Variants in RERE observed in about 807,000 individuals in gnomAD.
RERE encodes the protein arginine-glutamic acid dipeptide repeats protein.
In RERE, 40 loss-of-function variants were observed where a neutral mutation model predicts 146.1. That is an observed-to-expected ratio of 0.27 (90% CI 0.21 to 0.36). RERE has a LOEUF of 0.36. RERE is among the 10% of genes least tolerant of loss of function. RERE has a pLI of 1.00. For synonymous variants in RERE, 1,003 were observed against 866.0 expected, an observed-to-expected ratio of 1.16 and a Z score of -2.78; for missense variants, 1,933 against 2,138.7, an observed-to-expected ratio of 0.90 and a Z score of 1.90.
intron 1 of RERE, among the ~76,000 whole-genome samples, chr1:8,715,426 G>A (rs1290803188): frequency 3.3e-5 from 5 of 151,814 alleles, no homozygotes; most frequent in African/African-American, 1.2e-4. Flanking sequence ...CAGGAGAATC[G>A]CTTGAACCCA....
At position 8,423,167 on chromosome 1, in the gene RERE, C is replaced by T; in HGVS notation, c.1204-360G>A. The T allele has an allele frequency of 5.2e-6, 1 of 192,122 alleles. No homozygotes were observed. The allele number at this position is 192,122 out of a possible 1,614,324, so 11.9% of individuals were successfully genotyped here. On this transcript the variant is annotated intron_variant, in intron 11 of 22. Coordinates refer to ENST00000400908, the MANE Select transcript of RERE (RefSeq NM_001042681.2). The surrounding 1 kb of genome is among the most constrained non-coding windows in gnomAD (Gnocchi z 5.4). ...TAATAAAACACAACTGCTTTCCCAC[C>T]TGAGAACCAAGCTTCCCAGAAGTGT... is the stretch of plus-strand genomic sequence containing the variant.
intron 8 of RERE, among the ~76,000 whole-genome samples, chr1:8,501,684 G>A (rs1645160665): frequency 8.0e-6 from 1 of 125,154 alleles, no homozygotes; most frequent in African/African-American, 3.1e-5. Context: ...CCCCCCGCCC[G>A]GCCAGCCGCC....
At chr1:8,543,481 CTTT>C (rs1168688571) in intron 6 of RERE, among the ~76,000 whole-genome samples, 1 of 152,096 alleles carries the variant, frequency 6.6e-6, no homozygotes, top group African/African-American at 2.4e-5. Context: ...ATTGATTCTT[CTTT>C]TATTATTGTT....
At chr1:8,560,176 G>T (rs912647110) in intron 4 of RERE, among the ~76,000 whole-genome samples, 23 of 152,142 alleles carry the variant, frequency 1.5e-4, no homozygotes, top group Admixed American at 7.2e-4. Context: ...CTATAATAAG[G>T]ACTTGCTCAA....
At chr1:8,558,684 A>C (rs966190177) in intron 4 of RERE, among the ~76,000 whole-genome samples, 2 of 152,204 alleles carry the variant, frequency 1.3e-5, no homozygotes, top group Non-Finnish European at 2.9e-5. Context: ...GGTTCCAAAA[A>C]ACCTTTGCTA....
At chr1:8,625,439 T>C (rs1360604407) in intron 2 of RERE, among the ~76,000 whole-genome samples, 1 of 152,172 alleles carries the variant, frequency 6.6e-6, no homozygotes, top group Non-Finnish European at 1.5e-5. Context: ...GCACAGTCAA[T>C]GAAATCTAGG....
chr1:8,814,009 T>C (rs1424268717), intron 1 of RERE, among the ~76,000 whole-genome samples: 2 of 152,236 alleles, frequency 1.3e-5, no homozygotes, highest in Non-Finnish European at 2.9e-5. Flanking sequence ...TGGATTACCT[T>C]TTTGTTGTGA....
chr1:8,669,649 T>A (rs932131696), intron 1 of RERE, among the ~76,000 whole-genome samples: 1 of 152,204 alleles, frequency 6.6e-6, no homozygotes, highest in Non-Finnish European at 1.5e-5. Context: ...TAGAGTTTTA[T>A]TTCACGTAAT....
chr1:8,669,024 C>CTGTGTGTGTGTGTGTG (rs59647434), intron 1 of RERE, among the ~76,000 whole-genome samples: 63 of 43,826 alleles, frequency 1.4e-3, no homozygotes, highest in South Asian at 1.6e-3. Flanking sequence ...GCACTCAACT[C>CTGTGTGTGTGTGTGTG]TGTGTGTGTG....
intron 4 of RERE, among the ~76,000 whole-genome samples, chr1:8,612,104 G>C (rs1646800298): frequency 6.6e-6 from 1 of 152,154 alleles, no homozygotes; most frequent in Non-Finnish European, 1.5e-5. Flanking sequence ...ACATATACCT[G>C]AATATGCAAA....
At chr1:8,453,896 T>C (rs541369199) in intron 11 of RERE, among the ~76,000 whole-genome samples, 1 of 152,316 alleles carries the variant, frequency 6.6e-6, no homozygotes, top group South Asian at 2.1e-4. Flanking sequence ...CCCTAATTAA[T>C]TAGAGGCCCT....
chr1:8,792,007 C>T (rs1243740114), intron 1 of RERE, among the ~76,000 whole-genome samples: 2 of 151,896 alleles, frequency 1.3e-5, no homozygotes, highest in Admixed American at 6.6e-5. Flanking sequence ...GTGGGAGGAT[C>T]GCTTGAGCCC....
chr1:8,657,009 T>C (rs187000335), intron 1 of RERE, among the ~76,000 whole-genome samples: 50 of 152,232 alleles, frequency 3.3e-4, no homozygotes, highest in Admixed American at 2.1e-3. Flanking sequence ...CTGTCAAAAA[T>C]GTCTCAGGAT....
At chr1:8,583,173 G>C (rs1052666318) in intron 4 of RERE, among the ~76,000 whole-genome samples, 2 of 152,194 alleles carry the variant, frequency 1.3e-5, no homozygotes, top group African/African-American at 4.8e-5. Context: ...TAACATACTA[G>C]AAGTACTAGA....
At chr1:8,359,715 G>A (rs372191866) in intron 19 of RERE, 49 bp downstream of exon 19, 170 of 1,580,886 alleles carry the variant, frequency 1.1e-4, no homozygotes, top group Middle Eastern at 2.2e-4. Context: ...GCTCCCAGGC[G>A]CAGGATGGAC....
chr1:8,453,478 C>T (rs1414077618), intron 11 of RERE, among the ~76,000 whole-genome samples: 5 of 152,204 alleles, frequency 3.3e-5, no homozygotes, highest in African/African-American at 2.4e-5. Flanking sequence ...GGTTTTTGGT[C>T]GAGGTCAACC....
At chr1:8,376,362 C>T (rs1642254861) in intron 12 of RERE, among the ~76,000 whole-genome samples, 1 of 152,190 alleles carries the variant, frequency 6.6e-6, no homozygotes, top group African/African-American at 2.4e-5. Flanking sequence ...ATCCCAGCAC[C>T]CATGGACTAC....
intron 1 of RERE, among the ~76,000 whole-genome samples, chr1:8,728,990 A>C (rs1319415541): frequency 6.6e-6 from 1 of 151,906 alleles, no homozygotes; most frequent in Non-Finnish European, 1.5e-5. Context: ...ACATGGAGAA[A>C]CCCTGTCTCT....
At chr1:8,485,529 A>G (rs1644887613) in intron 10 of RERE, among the ~76,000 whole-genome samples, 1 of 152,140 alleles carries the variant, frequency 6.6e-6, no homozygotes, top group Non-Finnish European at 1.5e-5. Context: ...AGAAAAAACA[A>G]GATTCAAAGT....
Sources: allele counts gnomAD v4.1 joint callset (sites outside exome capture counted in the v4.1 genomes callset), GRCh38; gene constraint gnomAD v4.1.1; non-coding constraint Gnocchi (gnomAD v3.1); transcripts MANE v1.5; gene names NCBI Gene and HGNC (gene_info 2026-07-23, HGNC 2026-07-21).